Variants in UGT1A8 observed in about 807,000 individuals in gnomAD.
UGT1A8 encodes the protein UDP glucuronosyltransferase family 1 member A8, also known as UDP-glucuronosyltransferase 1A8.
In UGT1A8, 39 loss-of-function variants were observed where a neutral mutation model predicts 45.3. The observed-to-expected ratio is 0.86, with a 90% CI of 0.67 to 1.12. The LOEUF is 1.12. UGT1A8 is among the 50% of genes most tolerant of loss of function. The pLI is 0.00. For missense variants in UGT1A8, 719 were observed against 664.9 expected (o/e 1.08, Z -0.90); for synonymous variants, 275 against 249.2 (o/e 1.10, Z -0.97).
At chr2:233,764,941 C>T (rs937605699) in intron 1 of UGT1A8, among the ~76,000 whole-genome samples, 2 of 152,052 alleles carry the variant, frequency 1.3e-5, no homozygotes, top group Admixed American at 6.5e-5. Flanking sequence ...GTGAGAGTGG[C>T]GGGGAGAGAG....
intron 1 of UGT1A8, among the ~76,000 whole-genome samples, chr2:233,658,018 CTTTTTT>C (rs34352422): frequency 1.6e-5 from 2 of 128,074 alleles, no homozygotes; most frequent in Non-Finnish European, 3.4e-5. Flanking sequence ...GTTTCCTCCT[CTTTTTT>C]TTTTTTTTTT....
intron 1 of UGT1A8, chr2:233,743,709 C>T (rs1301083285): frequency 7.3e-7 from 1 of 1,367,384 alleles, no homozygotes; most frequent in Non-Finnish European, 9.8e-7. Context: ...GCCCCCGCCT[C>T]GCCATAGCGG....
rs183044833 is a variant in UGT1A8, at chr2:233,635,608, G to A, written c.855+17046G>A. On this transcript the variant is annotated intron_variant, in intron 1 of 4. Transcript: ENST00000373450. Reference sequence around the variant, plus strand: ...ATATTTGACCATGATATATGGAGGGGACAAACATACAAACTACGTCAAAGG... The same window carrying A: ...ATATTTGACCATGATATATGGAGGGAACAAACATACAAACTACGTCAAAGG... Among the ~76,000 whole-genome samples, 711 of 150,710 alleles carry A rather than the reference G, an allele frequency of 4.7e-3. 18 individuals are homozygous for A. Among genetic ancestry groups the A allele is most frequent in the Admixed American group, 8.5e-3 (128 of 14,990 alleles).
chr2:233,738,615 C>T lies in UGT1A8; in HGVS notation c.856-28419C>T, dbSNP rs190192640. 3.7e-3 allele frequency among the ~76,000 whole-genome samples: 556 copies of T among 152,294 alleles called. 1 individual carries two copies. Among genetic ancestry groups the T allele is most frequent in the Admixed American group, 7.3e-3 (112 of 15,298 alleles). ...CTTGCTAAGCTTTAGCAAAGAAACT[C>T]GTGGCATTTTTGCCCCTGCCCTAGA... is the stretch of plus-strand genomic sequence containing the variant. On this transcript the variant is annotated intron_variant, in intron 1 of 4. Coordinates refer to ENST00000373450, the MANE Select transcript of UGT1A8 (RefSeq NM_019076.5).
chr2:233,709,869 A>G (rs367805568), intron 1 of UGT1A8, among the ~76,000 whole-genome samples: 2 of 152,200 alleles, frequency 1.3e-5, no homozygotes, highest in African/African-American at 4.8e-5. Flanking sequence ...GCACTCCATT[A>G]CCCAGTAACT....
At chr2:233,727,858 G>A (rs2077658593) in intron 1 of UGT1A8, among the ~76,000 whole-genome samples, 1 of 152,180 alleles carries the variant, frequency 6.6e-6, no homozygotes, top group Non-Finnish European at 1.5e-5. Flanking sequence ...TCCTCCCTAA[G>A]GGAAGCCTCA....
chr2:233,669,420 A>G lies in UGT1A8; in HGVS notation c.855+50858A>G, dbSNP rs1415813632. Among the ~76,000 whole-genome samples, 5 of 152,352 alleles carry G rather than the reference A, an allele frequency of 3.3e-5. No individual in the cohort carries two copies. In the East Asian group the frequency reaches 7.7e-4, roughly 24 times the overall value. ...ATCAACTAAGGAAAAATAACATTTT[A>G]ACAATTTTGAGTTTTCTGATTCATG... On this transcript the variant is annotated intron_variant, in intron 1 of 4. Transcript: ENST00000373450.
intron 1 of UGT1A8, chr2:233,750,737 C>T (rs1464125177): frequency 6.6e-6 from 1 of 151,908 alleles, no homozygotes; most frequent in Non-Finnish European, 1.5e-5. Context: ...AGGGTGCAAA[C>T]CTCAAGCCTT....
intron 1 of UGT1A8, among the ~76,000 whole-genome samples, chr2:233,626,891 C>T (rs1172328375): frequency 6.6e-6 from 1 of 152,046 alleles, no homozygotes; most frequent in African/African-American, 2.4e-5. Flanking sequence ...CCCTTACTGG[C>T]AATGCATTTT....
intron 1 of UGT1A8, chr2:233,729,857 CAGT>C (rs759461021): frequency 1.9e-6 from 3 of 1,613,876 alleles, no homozygotes; most frequent in Non-Finnish European, 2.5e-6. Flanking sequence ...AGAGAGGTGT[CAGT>C]GGTGGATATT....
intron 1 of UGT1A8, among the ~76,000 whole-genome samples, chr2:233,671,528 T>C (rs371190638): frequency 3.3e-5 from 5 of 152,338 alleles, no homozygotes; most frequent in African/African-American, 4.8e-5. Context: ...AGAGAGTATT[T>C]GGTTGCCTAA....
intron 1 of UGT1A8, among the ~76,000 whole-genome samples, chr2:233,666,904 GT>G (rs1393827317): frequency 1.3e-5 from 2 of 150,920 alleles, no homozygotes; most frequent in African/African-American, 4.9e-5. Context: ...GCGGTGTTTG[GT>G]TTCTTGTCCT....
At chr2:233,716,496 C>T (rs2076507073) in intron 1 of UGT1A8, among the ~76,000 whole-genome samples, 1 of 152,152 alleles carries the variant, frequency 6.6e-6, no homozygotes, top group African/African-American at 2.4e-5. Context: ...TTCTATTCTC[C>T]AGGCTTCAGA....
At chr2:233,645,198 C>T (rs1016769789) in intron 1 of UGT1A8, among the ~76,000 whole-genome samples, 1 of 152,164 alleles carries the variant, frequency 6.6e-6, no homozygotes, top group South Asian at 2.1e-4. Context: ...TCTTGAGAGA[C>T]TTATTCACTA....
At chr2:233,743,501 G>T (rs1559387094) in intron 1 of UGT1A8, 1 of 1,367,188 alleles carries the variant, frequency 7.3e-7, no homozygotes, top group Non-Finnish European at 9.8e-7. Flanking sequence ...GAGAAAAGGG[G>T]TGCAGACGCT....
chr2:233,729,943 A>G (rs2077957237), intron 1 of UGT1A8: 2 of 1,613,936 alleles, frequency 1.2e-6, no homozygotes, highest in Admixed American at 1.7e-5. Context: ...CATGCCCAAC[A>G]TGGTCTTCAT....
At chr2:233,682,494 C>T in intron 1 of UGT1A8, 4 of 1,613,944 alleles carry the variant, frequency 2.5e-6, no homozygotes, top group Non-Finnish European at 3.4e-6. Context: ...TGCCCTGCTC[C>T]TCTTTCCTAT....
rs71398796 is a variant in UGT1A8 at position 233,695,130 on chromosome 2, C to CTTTTTTTTT, written c.856-71898_856-71890dup. ...GCCCATTAACCAACCCTTTTCTTTT[C>CTTTTTTTTT]TTTTTTTTTTTTTTGAGACAGAGTC... is the stretch of plus-strand genomic sequence containing the variant. On this transcript the variant is annotated intron_variant, in intron 1 of 4. Transcript: ENST00000373450. 1.1e-4 allele frequency among the ~76,000 whole-genome samples: 15 copies of CTTTTTTTTT among 138,838 alleles called. 2 individuals are homozygous for CTTTTTTTTT. The highest frequency in any genetic ancestry group is 1.1e-4 in the Non-Finnish European group (7 of 64,552). 91.1% of individuals were successfully genotyped at this position (138,838 alleles called of 152,430 possible). A position where few individuals can be genotyped will look rare whatever the true frequency, so the allele number is the denominator to read the frequency against.
intron 1 of UGT1A8, among the ~76,000 whole-genome samples, chr2:233,666,684 A>G (rs906746986): frequency 1.3e-5 from 2 of 151,880 alleles, no homozygotes; most frequent in Non-Finnish European, 1.5e-5. Context: ...GTTTTAGAGT[A>G]CATGTGCACA....
Sources: gnomAD v4.1 joint callset for allele counts (sites outside exome capture counted in the v4.1 genomes callset) on GRCh38, gnomAD v4.1.1 for gene constraint, MANE v1.5 for transcripts, NCBI Gene and HGNC (gene_info 2026-07-23, HGNC 2026-07-21) for gene names.